The following OTOG variants were observed in gnomAD, a reference collection of about 807,000 sequenced individuals.
OTOG encodes the protein otogelin.
Under a neutral mutation model 313.8 loss-of-function variants are expected in OTOG, and 296 were observed. That is an observed-to-expected ratio of 0.94 (90% CI 0.86 to 1.04). OTOG has a LOEUF of 1.04. OTOG is among the 50% of genes least tolerant of loss of function. The pLI is 0.00. For synonymous variants in OTOG, 1,533 were observed against 1,554.9 expected (o/e 0.99, Z 0.33); for missense variants, 3,948 against 3,840.1 (o/e 1.03, Z -0.74).
rs61736015 is a variant in OTOG, at chr11:17,555,877, G to A, written c.639G>A (p.Glu213=). ...AGCAGGAGATCCATCTGGCCAAGGA[G>A]GTCACCCATGGAGGCATGAGGTAAC... ...VGEQEIHLAK[E]VTHGGMRVQL... The change falls in exon 7 of 56, where the codon GAG becomes GAA. Residue 213 remains glutamate, a synonymous_variant. Coordinates refer to ENST00000399397, the MANE Select transcript of OTOG (RefSeq NM_001292063.2). The A allele has an allele frequency of 3.2e-6, 5 of 1,550,924 alleles. No homozygotes were observed. The South Asian group carries it at 3.6e-5, about 11-fold the overall frequency.
intron 22 of OTOG, 92 bp from the exon 23 acceptor site, chr11:17,578,281 G>A (rs562600869): frequency 1.9e-4 from 269 of 1,407,204 alleles, no homozygotes; most frequent in East Asian, 6.6e-4. Context: ...TTCCGAGCCC[G>A]TCTCTCCCTC....
chr11:17,564,882 T>C (rs1357415372), intron 15 of OTOG, among the ~76,000 whole-genome samples: 1 of 152,200 alleles, frequency 6.6e-6, no homozygotes, highest in Non-Finnish European at 1.5e-5. Context: ...GGTTGGATGT[T>C]ATCACAGCAT....
chr11:17,593,476 A>G (rs1186545061), intron 26 of OTOG, 134 bp from the exon 27 acceptor site: 4 of 1,425,976 alleles, frequency 2.8e-6, no homozygotes, highest in Middle Eastern at 2.2e-4. Flanking sequence ...CCTCTTGGCC[A>G]GGGTCAGGAA....
intron 28 of OTOG, among the ~76,000 whole-genome samples, chr11:17,595,837 C>T (rs934098579): frequency 3.9e-5 from 6 of 152,288 alleles, no homozygotes; most frequent in East Asian, 3.9e-4. Context: ...CACATGGCCA[C>T]GTCCATCCCA....
chr11:17,548,929 G>A (rs542048004), intron 3 of OTOG, among the ~76,000 whole-genome samples: 10 of 152,198 alleles, frequency 6.6e-5, no homozygotes, highest in African/African-American at 2.4e-4. Flanking sequence ...ATGTTGCCCA[G>A]GCTGGTCTTG....
At chr11:17,611,926 A>C (rs1443043663) in intron 36 of OTOG, among the ~76,000 whole-genome samples, 1 of 152,084 alleles carries the variant, frequency 6.6e-6, no homozygotes, top group Non-Finnish European at 1.5e-5. Context: ...CTCTCAGCGC[A>C]GGCCAGGCAG....
chr11:17,610,401 G>A lies in OTOG; in HGVS notation c.5101G>A (p.Gly1701Arg), dbSNP rs545450092. 2.5e-5 allele frequency: 39 copies of A among 1,550,470 alleles called. No homozygotes were observed. The African/African-American group carries it at 4.5e-4, about 18-fold the overall frequency. The change falls in exon 36 of 56, where the codon GGA (glycine) becomes AGA (arginine). Residue 1701 changes from glycine to arginine, a missense_variant. Coordinates refer to ENST00000399397, the MANE Select transcript of OTOG (RefSeq NM_001292063.2). ...SSPSTPLTVA[G>R]TAAEQVPVSP... ...TCCCAGCACCCCTCTAACTGTGGCT[G>A]GAACAGCAGCAGAACAGGTTCCTGT...
At position 17,638,715 on chromosome 11, in the gene OTOG, A is replaced by T. The variant is rs528303158; in HGVS notation, c.7894+166A>T. The T allele has an allele frequency of 1.1e-5, 17 of 1,539,714 alleles. No individual in the cohort carries two copies. The African/African-American group carries it at 2.2e-4, about 20-fold the overall frequency. On this transcript the variant is annotated intron_variant, in intron 48 of 55. Coordinates refer to ENST00000399397, the MANE Select transcript of OTOG (RefSeq NM_001292063.2). Reference sequence around the variant, plus strand: ...ACCTTCCTTCTGCATCCGCACTCCAAGTGCTGAGCATTCCTACAGCCTTTT... The same window carrying T: ...ACCTTCCTTCTGCATCCGCACTCCATGTGCTGAGCATTCCTACAGCCTTTT...
intron 23 of OTOG, among the ~76,000 whole-genome samples, chr11:17,580,128 C>T (rs1163437826): frequency 6.6e-6 from 1 of 152,198 alleles, no homozygotes; most frequent in Non-Finnish European, 1.5e-5. Flanking sequence ...GGCCACCATG[C>T]CCTTCTCAAT....
chr11:17,565,653 C>G (rs964207929), intron 15 of OTOG, among the ~76,000 whole-genome samples: 1 of 152,184 alleles, frequency 6.6e-6, no homozygotes, highest in Non-Finnish European at 1.5e-5. Context: ...CTCCCATTTA[C>G]TTATTTATAT....
chr11:17,590,725 C>A (rs907229176), intron 24 of OTOG, among the ~76,000 whole-genome samples: 2 of 152,206 alleles, frequency 1.3e-5, no homozygotes, highest in African/African-American at 4.8e-5. Context: ...CTCTGAATTC[C>A]TCTTCTACTC....
chr11:17,575,635 G>A (rs534589343), intron 20 of OTOG, among the ~76,000 whole-genome samples: 5 of 152,204 alleles, frequency 3.3e-5, no homozygotes, highest in Admixed American at 6.5e-5. Flanking sequence ...CTGTTTCTCC[G>A]TCTGTAAAAT....
intron 5 of OTOG, 32 bp downstream of exon 5, chr11:17,553,243 G>A (rs1391480844): frequency 6.5e-7 from 1 of 1,547,052 alleles, no homozygotes; most frequent in East Asian, 2.4e-5. Flanking sequence ...CCCCCAGGAA[G>A]GGACCTGGGT....
intron 10 of OTOG, 58 bp from the exon 11 acceptor site, chr11:17,558,993 TG>T: frequency 7.5e-7 from 1 of 1,329,488 alleles, no homozygotes; most frequent in Non-Finnish European, 1.1e-6. Flanking sequence ...TATGGGATGC[TG>T]GTGGGCTGGT....
Position 17,613,374 on chromosome 11 carries a change from C to CCCTCCT in OTOG, c.6439-238_6439-237insCCTCCT, listed in dbSNP as rs1565119211. ...CTTCCTTCCTTCCTTCCTTCCTTCC[C>CCCTCCT]TCCTTCCTTCCTTCCTTCCTTCCTT... On this transcript the variant is annotated intron_variant, in intron 38 of 55. Transcript: ENST00000399397. 0.022 allele frequency among the ~76,000 whole-genome samples: 1,661 copies of CCCTCCT among 74,630 alleles called. 54 individuals are homozygous for CCCTCCT. The highest frequency in any genetic ancestry group is 0.024 in the South Asian group (45 of 1,864). 49.0% of individuals were successfully genotyped at this position (74,630 alleles called of 152,430 possible). A position where few individuals can be genotyped will look rare whatever the true frequency, so the allele number is the denominator to read the frequency against.
chr11:17,553,371 A>G lies in OTOG; in HGVS notation c.392A>G (p.Asn131Ser). 4.1e-6 allele frequency: 6 copies of G among 1,464,636 alleles called. No individual in the cohort carries two copies. The highest frequency in any genetic ancestry group is 2.5e-5 in the East Asian group (1 of 40,072). 90.7% of individuals were successfully genotyped at this position (1,464,636 alleles called of 1,614,324 possible). The change falls in exon 6 of 56, where the codon AAT becomes AGT. Residue 131 changes from asparagine to serine, a missense_variant. By Grantham distance (46) the Asn-to-Ser change is conservative. Transcript: ENST00000399397. The stretch of plus-strand genomic sequence containing the variant: ...TCTCTTTTCTCTCCCTCAGTGTACA[A>G]TGCCGGCCCTGAGAGGGACAGCATT... ...ATGPRCQMVYNAGPERDSICR... is the reference protein window; with the variant it reads ...ATGPRCQMVYSAGPERDSICR...
Position 17,632,118 on chromosome 11 carries a change from A to G in OTOG, c.6964A>G (p.Ile2322Val). 1 of 1,551,018 alleles carries G rather than the reference A, an allele frequency of 6.4e-7. No individual in the cohort carries two copies. Among genetic ancestry groups the G allele is most frequent in the Non-Finnish European group, 8.7e-7 (1 of 1,147,010 alleles). ...VPPESFCELW[I>V]RDTKYVQQPC... ...TCCGGAGTCATTCTGTGAGCTGTGGATCCGGGACACCAAGTACGTGCAGCA... is the reference window on the plus strand; with the variant it reads ...TCCGGAGTCATTCTGTGAGCTGTGGGTCCGGGACACCAAGTACGTGCAGCA... Residue 2322 changes from isoleucine (I) to valine (V), a missense_variant, in exon 42 of 56, where the codon ATC (isoleucine) becomes GTC (valine). By Grantham distance (29) the Ile-to-Val change is conservative. Transcript: ENST00000399397.
Position 17,611,339 on chromosome 11 carries a change from C to T in OTOG, c.6039C>T (p.Arg2013=). The T allele has an allele frequency of 6.4e-7, 1 of 1,550,470 alleles. No homozygotes were observed. Among genetic ancestry groups the T allele is most frequent in the African/African-American group, 1.4e-5 (1 of 73,192 alleles). ...AGGCCACCACAGAACCATCTGGGCG[C>T]TCAGCCCCAGCCCTGAGCATCGTAG... ...VDEATTEPSG[R]SAPALSIVEG... is the part of the protein sequence containing the mutation. Residue 2013 remains arginine, a synonymous_variant, in exon 36 of 56, where the codon CGC becomes CGT. Coordinates refer to ENST00000399397, the MANE Select transcript of OTOG (RefSeq NM_001292063.2).
Position 17,606,019 on chromosome 11 carries a change from C to T in OTOG, c.4040C>T (p.Ala1347Val), listed in dbSNP as rs766481585. Reference protein sequence around the residue: ...HRGTRQAGLVALESLAKPSSF... With the variant: ...HRGTRQAGLVVLESLAKPSSF... ...GGGACACGGCAGGCAGGCCTGGTGG[C>T]CCTGGAGTCCCTGGCCAAGCCCAGC... The change falls in exon 33 of 56, where the codon GCC becomes GTC. Residue 1347 changes from alanine to valine, a missense_variant. By Grantham distance (64) the Ala-to-Val change is moderately conservative. Coordinates refer to ENST00000399397, the MANE Select transcript of OTOG (RefSeq NM_001292063.2). 1 of 1,550,562 alleles carries T rather than the reference C, an allele frequency of 6.4e-7. No individual in the cohort carries two copies.
Sources: gnomAD v4.1 joint callset for allele counts (sites outside exome capture counted in the v4.1 genomes callset) on GRCh38, gnomAD v4.1.1 for gene constraint, MANE v1.5 for transcripts, NCBI Gene and HGNC (gene_info 2026-07-23, HGNC 2026-07-21) for gene names.